CD1D: variants seen among roughly 807,000 people sequenced by gnomAD.
The protein encoded by CD1D is antigen-presenting glycoprotein CD1d.
A neutral mutation model predicts 42.1 loss-of-function variants in CD1D; 40 were observed. That is an observed-to-expected ratio of 0.95 (90% CI 0.74 to 1.24). CD1D has a LOEUF of 1.24. Among genes scored for constraint, CD1D ranks in the 50% most tolerant of loss-of-function variants. The pLI is 0.00. For synonymous variants in CD1D, 178 were observed against 171.8 expected, an observed-to-expected ratio of 1.04 and a Z score of -0.28; for missense variants, 437 against 416.5, an observed-to-expected ratio of 1.05 and a Z score of -0.43.
Position 158,182,152 on chromosome 1 carries a change from A to G in CD1D, c.449A>G (p.Glu150Gly), listed in dbSNP as rs150267466. Residue 150 changes from glutamate to glycine, a missense_variant, in exon 3 of 6, where the codon GAG (glutamate) becomes GGG (glycine). Coordinates refer to ENST00000674085, the MANE Select transcript of CD1D (RefSeq NM_001371762.2). ...CTGAGTTTCCAAGGAACTTCTTGGG[A>G]GCCAACCCAAGAGGCCCCACTTTGG... ...DILSFQGTSW[E>G]PTQEAPLWVN... 1.2e-5 allele frequency: 19 copies of G among 1,614,132 alleles called. No homozygotes were observed. The African/African-American group carries it at 2.1e-4, about 18-fold the overall frequency.
intron 2 of CD1D, 27 bp downstream of exon 2, chr1:158,181,748 C>T (rs780099433): frequency 5.6e-6 from 9 of 1,601,754 alleles, no homozygotes; most frequent in East Asian, 2.2e-5. Context: ...GATCCTGGGC[C>T]GGTACCCAAG....
rs765887533 is a variant in CD1D at position 158,184,085 on chromosome 1, C to T, written c.987-44C>T. On this transcript the variant is annotated intron_variant, in intron 5 of 5. Transcript: ENST00000674085. ...CAACCTCTCTCCCCTTCATTCCTGG[C>T]TTCCCTTTTCCTTAATGGTCTTTCC... The T allele has an allele frequency of 2.5e-6, 4 of 1,613,838 alleles. No homozygotes were observed. In the East Asian group the frequency reaches 6.7e-5, roughly 27 times the overall value.
chr1:158,178,364 T>G (rs1205458042), upstream of CD1D, among the ~76,000 whole-genome samples: 1 of 152,224 alleles, frequency 6.6e-6, no homozygotes, highest in Non-Finnish European at 1.5e-5. Context: ...ATTATCCTCC[T>G]GATAGCTATT....
At chr1:158,178,913 A>G (rs1299505414), upstream of CD1D, among the ~76,000 whole-genome samples, 1 of 152,214 alleles carries the variant, frequency 6.6e-6, no homozygotes, top group Non-Finnish European at 1.5e-5. Flanking sequence ...GTCTAACTCA[A>G]CTGACCTTTG....
rs756299315 is a variant in CD1D, at chr1:158,182,889, G to A, written c.619G>A (p.Ala207Thr). The A allele has an allele frequency of 1.9e-6, 3 of 1,608,210 alleles. No homozygotes were observed. The highest frequency in any genetic ancestry group is 2.7e-5 in the African/African-American group (2 of 74,876). ...CTTGTTGGATACAGTGAAGCCCAAG[G>A]CCTGGCTGTCCCGTGGCCCCAGTCC... ...SELKKQVKPKAWLSRGPSPGP... is the reference protein window; with the variant it reads ...SELKKQVKPKTWLSRGPSPGP... Residue 207 changes from alanine (A) to threonine (T), a missense_variant, in exon 4 of 6, where the codon GCC becomes ACC. Coordinates refer to ENST00000674085, the MANE Select transcript of CD1D (RefSeq NM_001371762.2).
At position 158,184,018 on chromosome 1, in the gene CD1D, C is replaced by T. The variant is rs141337009; in HGVS notation, c.969C>T (p.Ser323=). The stretch of plus-strand genomic sequence containing the variant: ...TCCTCCTCATTGTGGGCTTTACCTC[C>T]CGGTTTAAGAGGCAAACGTAAGTCT... The part of the protein sequence containing the change: ...LLFLLIVGFT[S]RFKRQTSYQG... The change falls in exon 5 of 6, where the codon TCC becomes TCT. Residue 323 remains serine (S), a synonymous_variant. Coordinates refer to ENST00000674085, the MANE Select transcript of CD1D (RefSeq NM_001371762.2). 6.2e-7 allele frequency: 1 copy of T among 1,614,156 alleles called. No homozygotes were observed. Among genetic ancestry groups the T allele is most frequent in the East Asian group, 2.2e-5 (1 of 44,882 alleles).
At position 158,180,921 on chromosome 1, in the gene CD1D, C is replaced by T. The variant is rs1648360223; in HGVS notation, c.-181C>T. On this transcript the variant is annotated 5_prime_UTR_variant, in exon 1 of 6. Transcript: ENST00000674085. ...CAGCTCGCACAGCTAAGGGCGAGGG[C>T]GCCCTTCGGCAGAAGCAGCAAACCG... 2 of 504,112 alleles carry T rather than the reference C, an allele frequency of 4.0e-6. No homozygotes were observed. The highest frequency in any genetic ancestry group is 1.9e-5 in the African/African-American group (1 of 51,326). The allele number at this position is 504,112 out of a possible 1,614,324, so 31.2% of individuals were successfully genotyped here.
chr1:158,184,302 T>G lies in CD1D; in HGVS notation c.*152T>G. On this transcript the variant is annotated 3_prime_UTR_variant, in exon 6 of 6. Coordinates refer to ENST00000674085, the MANE Select transcript of CD1D (RefSeq NM_001371762.2). ...AAGTAGAGAACAGTCATGAGGCAGC[T>G]TTCATCACACCCTTTTAACATTTAT... is the stretch of plus-strand genomic sequence containing the variant. 1 of 723,822 alleles carries G rather than the reference T, an allele frequency of 1.4e-6. No homozygotes were observed. Among genetic ancestry groups the G allele is most frequent in the Non-Finnish European group, 2.4e-6 (1 of 419,910 alleles). 44.8% of individuals were successfully genotyped at this position (723,822 alleles called of 1,614,324 possible).
chr1:158,181,327 C>A (rs1407904904), intron 1 of CD1D, 128 bp from the exon 2 acceptor site: 20 of 1,445,858 alleles, frequency 1.4e-5, no homozygotes, highest in Admixed American at 1.8e-5. Flanking sequence ...AGAGGCAGCG[C>A]GGCACAGAGT....
In CD1D at chr1:158,185,985, T is replaced by C. The variant is rs913549899; in HGVS notation, c.*1835T>C. ...GGCCTGGCGTTAGTCAGGGAAGGCG[T>C]CCTGGAGGGAGGGGAATTTGAAGCA... On this transcript the variant is annotated 3_prime_UTR_variant, in exon 6 of 6. Transcript: ENST00000674085. 1.3e-5 allele frequency among the ~76,000 whole-genome samples: 2 copies of C among 152,262 alleles called. No individual in the cohort carries two copies. Among genetic ancestry groups the C allele is most frequent in the Non-Finnish European group, 1.5e-5 (1 of 68,016 alleles).
At position 158,180,957 on chromosome 1, in the gene CD1D, C is replaced by T. The variant is rs953237654; in HGVS notation, c.-145C>T. On this transcript the variant is annotated 5_prime_UTR_variant, in exon 1 of 6. Transcript: ENST00000674085. ...AGAAGCAGCAAACCGCCGGCAAGCC[C>T]AGCGAGGAGGGCTGCCGGGGTCTGG... 21 of 683,366 alleles carry T rather than the reference C, an allele frequency of 3.1e-5. No homozygotes were observed. Among genetic ancestry groups the T allele is most frequent in the Non-Finnish European group, 3.6e-5 (16 of 450,306 alleles). 42.3% of individuals were successfully genotyped at this position (683,366 alleles called of 1,614,324 possible).
Position 158,183,085 on chromosome 1 carries a change from G to T in CD1D, c.815G>T (p.Gly272Val). 6.2e-7 allele frequency: 1 copy of T among 1,614,178 alleles called. No homozygotes were observed. Among genetic ancestry groups the T allele is most frequent in the East Asian group, 2.2e-5 (1 of 44,866 alleles). ...YLRATLDVVAGEAAGLSCRVK... is the reference protein window; with the variant it reads ...YLRATLDVVAVEAAGLSCRVK... ...CGAGCAACCCTGGATGTGGTGGCTG[G>T]GGAGGCAGCTGGCCTGTCCTGTCGG... Residue 272 changes from glycine (G) to valine (V), a missense_variant, in exon 4 of 6, where the codon GGG (glycine) becomes GTG (valine). Coordinates refer to ENST00000674085, the MANE Select transcript of CD1D (RefSeq NM_001371762.2).
At chr1:158,181,765 G>A (rs763304287) in intron 2 of CD1D, 44 bp downstream of exon 2, 30 of 1,596,348 alleles carry the variant, frequency 1.9e-5, no homozygotes, top group African/African-American at 1.3e-5. Context: ...CAAGGGGAGA[G>A]AATGGCCACA....
chr1:158,179,596 A>C (rs1016786159), upstream of CD1D, among the ~76,000 whole-genome samples: 6 of 152,220 alleles, frequency 3.9e-5, no homozygotes, highest in Admixed American at 6.5e-5. Context: ...TCTCAAAGCC[A>C]GTTAGTGTAC....
rs758827375 is a variant in CD1D at position 158,183,043 on chromosome 1, A to G, written c.773A>G (p.Asp258Gly). The change falls in exon 4 of 6, where the codon GAC becomes GGC. Residue 258 changes from aspartate to glycine, a missense_variant. Asp to Gly is a moderately conservative substitution (Grantham distance 94). Transcript: ENST00000674085. Reference protein sequence around the residue: ...TQPGDILPNADETWYLRATLD... With the variant: ...TQPGDILPNAGETWYLRATLD... ...CCAGGGGACATCCTGCCCAATGCTGACGAGACATGGTATCTCCGAGCAACC... is the reference window on the plus strand; with the variant it reads ...CCAGGGGACATCCTGCCCAATGCTGGCGAGACATGGTATCTCCGAGCAACC... The G allele has an allele frequency of 6.2e-6, 10 of 1,614,176 alleles. No homozygotes were observed. Among genetic ancestry groups the G allele is most frequent in the Non-Finnish European group, 8.5e-6 (10 of 1,180,034 alleles).
At position 158,183,010 on chromosome 1, in the gene CD1D, G is replaced by T; in HGVS notation, c.740G>T (p.Gly247Val). The T allele has an allele frequency of 6.2e-7, 1 of 1,614,086 alleles. No homozygotes were observed. The highest frequency in any genetic ancestry group is 8.5e-7 in the Non-Finnish European group (1 of 1,179,928). ...KWMRGEQEQQ[G>V]TQPGDILPNA... ...ATGCGGGGTGAGCAGGAGCAGCAGG[G>T]CACTCAGCCAGGGGACATCCTGCCC... The change falls in exon 4 of 6, where the codon GGC becomes GTC. Residue 247 changes from glycine (G) to valine (V), a missense_variant. Transcript: ENST00000674085.
rs1438666267 is a variant in CD1D at position 158,184,972 on chromosome 1, T to C, written c.*822T>C. The C allele has an allele frequency of 6.6e-6, 1 of 152,232 alleles. No individual in the cohort carries two copies. The highest frequency in any genetic ancestry group is 2.4e-5 in the African/African-American group (1 of 41,448). The allele number at this position is 152,232 out of a possible 1,614,324, so 9.4% of individuals were successfully genotyped here. On this transcript the variant is annotated 3_prime_UTR_variant, in exon 6 of 6. Coordinates refer to ENST00000674085, the MANE Select transcript of CD1D (RefSeq NM_001371762.2). ...TCAAATGGTCATCACTTTTTTTCCT[T>C]GGAGGAAGATTGTCATGAAGGCATC...
upstream of CD1D, among the ~76,000 whole-genome samples, chr1:158,179,081 T>C (rs1648279569): frequency 6.6e-6 from 1 of 152,318 alleles, no homozygotes; most frequent in East Asian, 1.9e-4. Flanking sequence ...TTAAAATTTT[T>C]AAGATACACA....
At chr1:158,178,954 C>A (rs1648269377), upstream of CD1D, among the ~76,000 whole-genome samples, 2 of 152,180 alleles carry the variant, frequency 1.3e-5, no homozygotes, top group African/African-American at 4.8e-5. Context: ...TCCAGATAGT[C>A]CTAACTTCTG....
Sources: allele counts gnomAD v4.1 joint callset (sites outside exome capture counted in the v4.1 genomes callset), GRCh38; gene constraint gnomAD v4.1.1; transcripts MANE v1.5; gene names NCBI Gene and HGNC (gene_info 2026-07-23, HGNC 2026-07-21).